ZW10: variants seen among roughly 807,000 people sequenced by gnomAD.
ZW10 encodes the protein zw10 kinetochore protein, also known as centromere/kinetochore protein zw10 homolog.
Under a neutral mutation model 87.8 loss-of-function variants are expected in ZW10, and 53 were observed. That is an observed-to-expected ratio of 0.60 (90% CI 0.48 to 0.76). ZW10 has a LOEUF of 0.76. Ranked by LOEUF, ZW10 falls within the 30% of genes least tolerant of loss-of-function variation. ZW10 has a pLI of 0.00. For missense variants in ZW10, 837 were observed against 923.0 expected (o/e 0.91, Z 1.21); for synonymous variants, 312 against 329.2 (o/e 0.95, Z 0.57).
intron 2 of ZW10, among the ~76,000 whole-genome samples, chr11:113,763,302 T>C (rs1426524546): frequency 6.6e-6 from 1 of 152,238 alleles, no homozygotes; most frequent in Non-Finnish European, 1.5e-5. Context: ...GTCTTTGCTA[T>C]TGTAAACAGT....
intron 15 of ZW10, 71 bp downstream of exon 15, chr11:113,736,549 G>A: frequency 6.7e-7 from 1 of 1,481,788 alleles, no homozygotes; most frequent in South Asian, 1.1e-5. Flanking sequence ...GAAAAGCCCT[G>A]CTATCAAGGG....
rs1310185035 is a variant in ZW10 at position 113,758,587 on chromosome 11, G to C, written c.700C>G (p.Leu234Val). 2.5e-6 allele frequency: 4 copies of C among 1,614,032 alleles called. No individual in the cohort carries two copies. The highest frequency in any genetic ancestry group is 3.4e-6 in the Non-Finnish European group (4 of 1,179,982). Residue 234 changes from leucine (L) to valine (V), a missense_variant, in exon 6 of 16, where the codon CTT becomes GTT. Physicochemically the swap from Leu to Val is conservative, Grantham distance 32. Coordinates refer to ENST00000200135, the MANE Select transcript of ZW10 (RefSeq NM_004724.4). ...TTAAGCTTGCTGTGTAGTTCTCCAA[G>C]AACAGAAAATGCCAAGAGGACAGAA... is the stretch of plus-strand genomic sequence containing the variant. ...ISSVLLAFSV[L>V]GELHSKLKSF...
intron 7 of ZW10, 65 bp downstream of exon 7, chr11:113,757,597 A>G (rs1953804062): frequency 8.4e-7 from 1 of 1,197,276 alleles, no homozygotes. Flanking sequence ...CTTTAAAATA[A>G]TATTTACTTT....
chr11:113,759,471 G>C lies in ZW10; in HGVS notation c.580+738C>G, dbSNP rs190516419. ...CAAAGTGGATATAGGAAAGGGAACA[G>C]GGGGAGAAAGTTTCTCTTGAAATAC... On this transcript the variant is annotated intron_variant, in intron 5 of 15. Transcript: ENST00000200135. 1.9e-3 allele frequency among the ~76,000 whole-genome samples: 282 copies of C among 152,230 alleles called. 1 individual carries two copies. Among genetic ancestry groups the C allele is most frequent in the African/African-American group, 6.3e-3 (262 of 41,522 alleles).
At chr11:113,760,940 A>G (rs753033134) in intron 2 of ZW10, 22 bp from the exon 3 acceptor site, 8 of 1,601,840 alleles carry the variant, frequency 5.0e-6, no homozygotes, top group Non-Finnish European at 6.8e-6. Context: ...ATCAAAAACA[A>G]GTACTTTTAA....
chr11:113,745,974 G>C (rs1953672371), intron 9 of ZW10, among the ~76,000 whole-genome samples: 1 of 150,670 alleles, frequency 6.6e-6, no homozygotes, highest in Admixed American at 6.7e-5. Flanking sequence ...TCTCAATCAG[G>C]GAAAACTCTG....
chr11:113,739,492 G>A lies in ZW10; in HGVS notation c.1584-110C>T, dbSNP rs1953590947. The A allele has an allele frequency of 4.2e-6, 4 of 957,654 alleles. No homozygotes were observed. In the East Asian group the frequency reaches 1.0e-4, roughly 25 times the overall value. 59.3% of individuals were successfully genotyped at this position (957,654 alleles called of 1,614,324 possible). A position where few individuals can be genotyped will look rare whatever the true frequency, so the allele number is the denominator to read the frequency against. On this transcript the variant is annotated intron_variant, in intron 11 of 15. Coordinates refer to ENST00000200135, the MANE Select transcript of ZW10 (RefSeq NM_004724.4). ...ATTTCTAGGCTTTAATAACTGTCTA[G>A]TTTCTAAATGCTATACATAACAAGA...
chr11:113,756,041 T>C (rs1467070425), intron 7 of ZW10, among the ~76,000 whole-genome samples: 1 of 152,216 alleles, frequency 6.6e-6, no homozygotes, highest in African/African-American at 2.4e-5. Flanking sequence ...ACTTACTTTA[T>C]TGCAGTGGTC....
rs78331062 is a variant in ZW10 at position 113,756,320 on chromosome 11, T to C, written c.925+1342A>G. On this transcript the variant is annotated intron_variant, in intron 7 of 15. Transcript: ENST00000200135. ...TGAAGATCAGGAGAACTTAAAACTA[T>C]GTCACTCAAAAAATAAAAATGTTTA... is the stretch of plus-strand genomic sequence containing the variant. Among the ~76,000 whole-genome samples the C allele has an allele frequency of 2.6e-4, 40 of 152,282 alleles. No individual in the cohort carries two copies. In the East Asian group the frequency reaches 7.5e-3, roughly 29 times the overall value.
At chr11:113,745,866 G>A (rs1460890861) in intron 9 of ZW10, among the ~76,000 whole-genome samples, 2 of 152,210 alleles carry the variant, frequency 1.3e-5, no homozygotes, top group East Asian at 3.8e-4. Context: ...TTTTAGAAAA[G>A]GGAAGAGGAG....
intron 2 of ZW10, among the ~76,000 whole-genome samples, chr11:113,765,133 T>C (rs992014932): frequency 6.6e-6 from 1 of 152,174 alleles, no homozygotes; most frequent in African/African-American, 2.4e-5. Flanking sequence ...CAACAAAGAA[T>C]TATCCAGCCC....
chr11:113,768,682 T>TTGAAGTCACCCTACAATCATTTAGTTCC (rs1953931386), intron 2 of ZW10, 151 bp downstream of exon 2: 1 of 767,720 alleles, frequency 1.3e-6, no homozygotes, highest in African/African-American at 1.8e-5. Context: ...TATTTCAGAA[T>TTGAAGTCACCCTACAATCATTTAGTTCC]TGAAGTCACC....
chr11:113,751,734 G>A (rs372424392), intron 7 of ZW10, among the ~76,000 whole-genome samples: 1 of 152,094 alleles, frequency 6.6e-6, no homozygotes, highest in Non-Finnish European at 1.5e-5. Flanking sequence ...TTAGCCGGAC[G>A]TGGTGGCATG....
chr11:113,760,099 G>C, intron 5 of ZW10, 110 bp downstream of exon 5: 6 of 1,307,232 alleles, frequency 4.6e-6, no homozygotes, highest in Non-Finnish European at 6.2e-6. Flanking sequence ...TACAGACATG[G>C]AAGATTATGA....
intron 2 of ZW10, 42 bp from the exon 3 acceptor site, chr11:113,760,960 T>C: frequency 3.3e-6 from 5 of 1,501,232 alleles, no homozygotes; most frequent in East Asian, 2.3e-5. Context: ...AGCTATACCA[T>C]ACCTAAGAAA....
intron 15 of ZW10, 51 bp from the exon 16 acceptor site, chr11:113,733,865 A>AG (rs752997071): frequency 6.6e-7 from 1 of 1,525,382 alleles, no homozygotes; most frequent in Non-Finnish European, 8.8e-7. Flanking sequence ...CTGAAGTATA[A>AG]GCAAGACTTA....
chr11:113,759,183 G>A (rs1015558559), intron 5 of ZW10, among the ~76,000 whole-genome samples: 7 of 152,018 alleles, frequency 4.6e-5, no homozygotes, highest in African/African-American at 1.4e-4. Context: ...GCGACAGAGC[G>A]AGACCCTGTT....
chr11:113,761,691 C>T (rs1953861882), intron 2 of ZW10, among the ~76,000 whole-genome samples: 1 of 152,156 alleles, frequency 6.6e-6, no homozygotes, highest in Non-Finnish European at 1.5e-5. Flanking sequence ...TAACCTCTCC[C>T]TAATTTATCT....
chr11:113,737,271 A>C (rs1374593038), intron 14 of ZW10, among the ~76,000 whole-genome samples: 1 of 152,216 alleles, frequency 6.6e-6, no homozygotes, highest in Non-Finnish European at 1.5e-5. Flanking sequence ...CAAATTATTG[A>C]GTTTACTTGC....
Sources: gnomAD v4.1 joint callset for allele counts (sites outside exome capture counted in the v4.1 genomes callset) on GRCh38, gnomAD v4.1.1 for gene constraint, MANE v1.5 for transcripts, NCBI Gene and HGNC (gene_info 2026-07-23, HGNC 2026-07-21) for gene names.